Variants in PRRC2C observed in about 807,000 individuals in gnomAD.
PRRC2C encodes the protein protein PRRC2C.
A neutral mutation model predicts 317.2 loss-of-function variants in PRRC2C; 72 were observed. The ratio of observed to expected loss-of-function variants is 0.23; its 90% CI spans 0.19 to 0.28. The LOEUF is 0.28. Among genes scored for constraint, PRRC2C ranks in the 10% least tolerant of loss-of-function variants. The probability of loss-of-function intolerance (pLI) is 1.00; values close to 1 mark genes in which losing one functional copy is unlikely to be tolerated. For missense variants in PRRC2C, 3,074 were observed against 3,459.7 expected, an observed-to-expected ratio of 0.89 and a Z score of 2.80; for synonymous variants, 1,296 against 1,205.9, an observed-to-expected ratio of 1.07 and a Z score of -1.55.
chr1:171,500,539 G>A (rs1057223199), intron 1 of PRRC2C, among the ~76,000 whole-genome samples: 10 of 151,914 alleles, frequency 6.6e-5, no homozygotes, highest in Non-Finnish European at 1.3e-4. Context: ...TTGAACTACC[G>A]GTACACGCCA....
chr1:171,579,869 A>G lies in PRRC2C; in HGVS notation c.7314A>G (p.Pro2438=). Residue 2438 remains proline (P), a synonymous_variant, in exon 28 of 35, where the codon CCA becomes CCG. Transcript: ENST00000647382. ...AGATTCCAATCCCTATTTATGCACC[A>G]CTGCAAGGGCAGCATCAAGCCCAAC... ...VQQIPIPIYA[P]LQGQHQAQLS... is the part of the protein sequence containing the mutation. 1.3e-6 allele frequency: 2 copies of G among 1,590,716 alleles called. No individual in the cohort carries two copies. Among genetic ancestry groups the G allele is most frequent in the East Asian group, 2.3e-5 (1 of 44,218 alleles).
chr1:171,535,426 A>G lies in PRRC2C; in HGVS notation c.1874-2A>G. 1 of 1,611,018 alleles carries G rather than the reference A, an allele frequency of 6.2e-7. No homozygotes were observed. Among genetic ancestry groups the G allele is most frequent in the Non-Finnish European group, 8.5e-7 (1 of 1,178,968 alleles). On this transcript the variant is annotated splice_acceptor_variant, in intron 12 of 34. Transcript: ENST00000647382. LOFTEE classifies it high-confidence loss of function. ...ATTACCTTTCACCTTTTCTTTGAGCAGAGGAGGAACCCGTTTTCACTAGAC... is the reference window on the plus strand; with the variant it reads ...ATTACCTTTCACCTTTTCTTTGAGCGGAGGAGGAACCCGTTTTCACTAGAC...
chr1:171,553,024 T>C (rs1312100157), intron 18 of PRRC2C, among the ~76,000 whole-genome samples: 1 of 152,232 alleles, frequency 6.6e-6, no homozygotes, highest in African/African-American at 2.4e-5. Flanking sequence ...TGGAACAGTT[T>C]CAGAAGGAAT....
At chr1:171,536,360 T>A in intron 14 of PRRC2C, 82 bp downstream of exon 14, 1 of 1,452,894 alleles carries the variant, frequency 6.9e-7, no homozygotes, top group Non-Finnish European at 9.4e-7. Context: ...TTGAGAGTTG[T>A]AATCTAGGAA....
At chr1:171,586,280 G>A (rs866566385) in intron 30 of PRRC2C, among the ~76,000 whole-genome samples, 7 of 150,042 alleles carry the variant, frequency 4.7e-5, no homozygotes, top group South Asian at 2.1e-4. Context: ...TAGTAGAGAC[G>A]GAGTTTCCCC....
intron 10 of PRRC2C, among the ~76,000 whole-genome samples, chr1:171,526,935 A>T (rs1037581133): frequency 6.8e-6 from 1 of 148,092 alleles, no homozygotes; most frequent in Admixed American, 6.9e-5. Flanking sequence ...CAGCCTCCCA[A>T]GTAGCTGGGA....
intron 9 of PRRC2C, among the ~76,000 whole-genome samples, chr1:171,524,141 AT>A (rs1162406277): frequency 6.6e-6 from 1 of 152,118 alleles, no homozygotes; most frequent in African/African-American, 2.4e-5. Flanking sequence ...CCTGATCTGT[AT>A]TTACAAAATT....
chr1:171,588,261 T>C, intron 32 of PRRC2C, 118 bp from the exon 33 acceptor site: 1 of 1,123,530 alleles, frequency 8.9e-7, no homozygotes, highest in South Asian at 1.3e-5. Context: ...GTAATCATCA[T>C]AGTAAATTTT....
Position 171,560,877 on chromosome 1 carries a change from G to T in PRRC2C, c.6032-141G>T. ...TGTATGTTGATACATAATAATCTTT[G>T]TAAGTCTGATTTGAAAAGTGATTGT... On this transcript the variant is annotated intron_variant, in intron 19 of 34. Transcript: ENST00000647382. 5.4e-6 allele frequency: 4 copies of T among 737,700 alleles called. No individual in the cohort carries two copies. The East Asian group carries it at 7.5e-5, about 14-fold the overall frequency. The allele number at this position is 737,700 out of a possible 1,614,324, so 45.7% of individuals were successfully genotyped here.
intron 3 of PRRC2C, among the ~76,000 whole-genome samples, chr1:171,514,321 C>CA (rs1404516277): frequency 6.6e-6 from 1 of 151,722 alleles, no homozygotes; most frequent in Non-Finnish European, 1.5e-5. Context: ...AAGCAAAACT[C>CA]ATCTCATTGG....
chr1:171,556,160 A>G (rs1424614619), intron 18 of PRRC2C, among the ~76,000 whole-genome samples: 3 of 152,116 alleles, frequency 2.0e-5, no homozygotes, highest in Non-Finnish European at 2.9e-5. Flanking sequence ...CCAGGCTGCC[A>G]CCTTGCAGTT....
At chr1:171,570,493 A>G (rs987827986) in intron 23 of PRRC2C, among the ~76,000 whole-genome samples, 12 of 152,158 alleles carry the variant, frequency 7.9e-5, no homozygotes, top group Non-Finnish European at 1.5e-4. Flanking sequence ...GTATGAAAGA[A>G]TCTCCATTAG....
chr1:171,505,155 G>A (rs1669942780), intron 1 of PRRC2C, among the ~76,000 whole-genome samples: 1 of 151,820 alleles, frequency 6.6e-6, no homozygotes. Context: ...AGCCTCCCGA[G>A]TAGCTGGGAT....
rs1173217807 is a variant in PRRC2C at position 171,591,682 on chromosome 1, G to A, written c.8532G>A (p.Val2844=). Residue 2844 remains valine, a synonymous_variant, in exon 35 of 35, where the codon GTG becomes GTA. Transcript: ENST00000647382. The part of the protein sequence containing the change: ...KQIGGGKAQK[V]DSDSSKPPET... ...TAGGAGGAGGCAAAGCCCAGAAAGT[G>A]GACAGTGATTCAAGTAAACCTCCTG... 1 of 1,613,908 alleles carries A rather than the reference G, an allele frequency of 6.2e-7. No homozygotes were observed.
intron 6 of PRRC2C, among the ~76,000 whole-genome samples, chr1:171,518,506 T>TTTTTCAA (rs1672880124): frequency 1.4e-5 from 2 of 138,488 alleles, no homozygotes; most frequent in South Asian, 2.3e-4. Context: ...TTTTTTTTTT[T>TTTTTCAA]TTTTTTTTGG....
At chr1:171,496,063 T>G (rs1371854636) in intron 1 of PRRC2C, among the ~76,000 whole-genome samples, 2 of 151,934 alleles carry the variant, frequency 1.3e-5, no homozygotes, top group Non-Finnish European at 2.9e-5. Flanking sequence ...CTAAATCTAA[T>G]TACCTCACCA....
intron 16 of PRRC2C, among the ~76,000 whole-genome samples, chr1:171,544,661 TG>T (rs1396978836): frequency 6.6e-6 from 1 of 152,226 alleles, no homozygotes; most frequent in Non-Finnish European, 1.5e-5. Context: ...ATCTCAACTA[TG>T]TAGCAAGATT....
At chr1:171,555,849 G>A (rs796606367) in intron 18 of PRRC2C, among the ~76,000 whole-genome samples, 10 of 152,000 alleles carry the variant, frequency 6.6e-5, no homozygotes, top group African/African-American at 1.9e-4. Context: ...TGGAAGCCTC[G>A]GTCTCCCAGT....
In PRRC2C at chr1:171,514,574, T is replaced by A. The variant is rs1337482677; in HGVS notation, c.329T>A (p.Val110Asp). The A allele has an allele frequency of 6.4e-7, 1 of 1,560,256 alleles. No homozygotes were observed. Among genetic ancestry groups the A allele is most frequent in the African/African-American group, 1.4e-5 (1 of 73,336 alleles). Reference sequence around the variant, plus strand: ...CCACCAGCACAGCCAAAACCTGGGGTTGCAGCTCCCCCAGAAGTAGCACCT... The same window carrying A: ...CCACCAGCACAGCCAAAACCTGGGGATGCAGCTCCCCCAGAAGTAGCACCT... ...EVPPAQPKPG[V>D]AAPPEVAPAP... The change falls in exon 4 of 35, where the codon GTT (valine) becomes GAT (aspartate). Residue 110 changes from valine (V) to aspartate (D), a missense_variant. This residue lies in a region of PRRC2C where 237 missense variants were observed against 199.5 expected (regional missense o/e 1.19). Coordinates refer to ENST00000647382, the MANE Select transcript of PRRC2C (RefSeq NM_001387844.1).
Sources: allele counts gnomAD v4.1 joint callset (sites outside exome capture counted in the v4.1 genomes callset), GRCh38; gene constraint gnomAD v4.1.1; regional missense constraint gnomAD v4.1.1; transcripts MANE v1.5; gene names NCBI Gene and HGNC (gene_info 2026-07-23, HGNC 2026-07-21).